Variants in GRIA1 observed in about 807,000 individuals in gnomAD.
GRIA1 encodes the protein glutamate receptor 1.
A neutral mutation model predicts 99.2 loss-of-function variants in GRIA1; 31 were observed. The ratio of observed to expected loss-of-function variants is 0.31; its 90% confidence interval spans 0.23 to 0.42. The LOEUF (loss-of-function observed/expected upper bound fraction) is 0.42. Ranked by LOEUF, GRIA1 falls within the 10% of genes least tolerant of loss-of-function variation. GRIA1 has a pLI of 1.00. For missense variants in GRIA1, 782 were observed against 1,157.5 expected (o/e 0.68, Z 4.71); for synonymous variants, 438 against 432.4 (o/e 1.01, Z -0.16).
chr5:153,584,267 G>A (rs928755156), intron 2 of GRIA1, among the ~76,000 whole-genome samples: 2 of 152,156 alleles, frequency 1.3e-5, no homozygotes, highest in Non-Finnish European at 2.9e-5. Context: ...CACTTACCCA[G>A]AACACTAACA....
chr5:153,683,730 C>A (rs1757146673), intron 7 of GRIA1, among the ~76,000 whole-genome samples: 1 of 152,142 alleles, frequency 6.6e-6, no homozygotes, highest in Non-Finnish European at 1.5e-5. Context: ...AACTTTTACC[C>A]ACTCTACACA....
At chr5:153,501,940 C>G (rs1043732790) in intron 2 of GRIA1, among the ~76,000 whole-genome samples, 1 of 152,208 alleles carries the variant, frequency 6.6e-6, no homozygotes. Context: ...AGCACTGAAG[C>G]TCAGCCTCTG....
intron 13 of GRIA1, 113 bp downstream of exon 13, chr5:153,770,528 G>A (rs1308376742): frequency 8.7e-6 from 9 of 1,028,884 alleles, no homozygotes; most frequent in Non-Finnish European, 1.3e-5. Flanking sequence ...TGTTGAGGGG[G>A]CTCTTCTTCA....
At chr5:153,604,968 G>T (rs966451589) in intron 2 of GRIA1, among the ~76,000 whole-genome samples, 2 of 151,938 alleles carry the variant, frequency 1.3e-5, no homozygotes, top group Admixed American at 1.3e-4. Flanking sequence ...GTGGCCAGGC[G>T]CAGTGGTCAG....
At chr5:153,506,360 T>TGTGTGTGTGTGTGTGTG (rs1561593677) in intron 2 of GRIA1, among the ~76,000 whole-genome samples, 5 of 147,248 alleles carry the variant, frequency 3.4e-5, no homozygotes, top group African/African-American at 1.3e-4. Flanking sequence ...TGTGTGTGTG[T>TGTGTGTGTGTGTGTGTG]TCATACATAT....
intron 11 of GRIA1, among the ~76,000 whole-genome samples, chr5:153,763,651 C>A (rs1763325121): frequency 6.6e-6 from 1 of 152,160 alleles, no homozygotes; most frequent in Admixed American, 6.5e-5. Context: ...TGGAAGTATC[C>A]TATCAGATCA....
At chr5:153,796,992 G>A (rs1407617053) in intron 14 of GRIA1, among the ~76,000 whole-genome samples, 1 of 152,262 alleles carries the variant, frequency 6.6e-6, no homozygotes, top group Non-Finnish European at 1.5e-5. Flanking sequence ...AAGGACCTGG[G>A]AATTCACACA....
At chr5:153,670,887 T>C (rs1388324226) in intron 5 of GRIA1, among the ~76,000 whole-genome samples, 2 of 152,270 alleles carry the variant, frequency 1.3e-5, no homozygotes, top group East Asian at 3.9e-4. Flanking sequence ...GTAACTATAA[T>C]AGAGTCATTT....
intron 7 of GRIA1, among the ~76,000 whole-genome samples, chr5:153,685,752 G>T (rs1043483135): frequency 6.6e-6 from 1 of 152,176 alleles, no homozygotes; most frequent in Non-Finnish European, 1.5e-5. Flanking sequence ...GAATTAAGAA[G>T]CCATCTCCAA....
intron 2 of GRIA1, among the ~76,000 whole-genome samples, chr5:153,621,328 A>G (rs957782171): frequency 6.6e-6 from 1 of 152,182 alleles, no homozygotes; most frequent in Admixed American, 6.5e-5. Flanking sequence ...TAGGACAGGC[A>G]TGGTGGTACA....
At chr5:153,670,074 A>G (rs746310234) in intron 5 of GRIA1, among the ~76,000 whole-genome samples, 6 of 152,238 alleles carry the variant, frequency 3.9e-5, no homozygotes, top group Admixed American at 2.0e-4. Flanking sequence ...AAGTGCCTCA[A>G]GGTATTCTGA....
intron 2 of GRIA1, among the ~76,000 whole-genome samples, chr5:153,612,283 T>C (rs553326020): frequency 1.3e-5 from 2 of 152,300 alleles, no homozygotes; most frequent in East Asian, 3.9e-4. Flanking sequence ...ACAGAAATAC[T>C]AGTGAATATG....
intron 2 of GRIA1, among the ~76,000 whole-genome samples, chr5:153,626,547 G>A (rs1767644901): frequency 6.6e-6 from 1 of 151,614 alleles, no homozygotes; most frequent in South Asian, 2.1e-4. Context: ...TGAGTTCATT[G>A]GCAGCATTTG....
intron 5 of GRIA1, among the ~76,000 whole-genome samples, chr5:153,672,275 C>A (rs1181374850): frequency 6.6e-6 from 1 of 152,180 alleles, no homozygotes; most frequent in Non-Finnish European, 1.5e-5. Context: ...ATATTAACTC[C>A]TTAACATGTC....
At chr5:153,665,104 C>A (rs1303953442) in intron 5 of GRIA1, among the ~76,000 whole-genome samples, 1 of 152,206 alleles carries the variant, frequency 6.6e-6, no homozygotes, top group East Asian at 1.9e-4. Context: ...GATGAAGGGA[C>A]TCTCTGGAAG....
At chr5:153,776,386 C>T (rs912857408) in intron 13 of GRIA1, among the ~76,000 whole-genome samples, 3 of 152,084 alleles carry the variant, frequency 2.0e-5, no homozygotes, top group Admixed American at 1.3e-4. Flanking sequence ...TTGGCAAGGA[C>T]AGAAAATGGA....
At chr5:153,549,874 T>G (rs147055933) in intron 2 of GRIA1, among the ~76,000 whole-genome samples, 22 of 152,258 alleles carry the variant, frequency 1.4e-4, no homozygotes, top group African/African-American at 5.1e-4. Context: ...GAAAATTATA[T>G]TATCCATCTA....
chr5:153,778,949 G>T (rs1312238220), intron 13 of GRIA1, among the ~76,000 whole-genome samples: 1 of 152,020 alleles, frequency 6.6e-6, no homozygotes, highest in Non-Finnish European at 1.5e-5. Flanking sequence ...GCATATTAAG[G>T]TTCCCCTGCT....
intron 2 of GRIA1, among the ~76,000 whole-genome samples, chr5:153,518,038 T>C (rs960574608): frequency 6.6e-6 from 1 of 152,222 alleles, no homozygotes; most frequent in Middle Eastern, 3.2e-3. Flanking sequence ...TTGCACTGGC[T>C]GTTCCCTTTG....
Sources: allele counts gnomAD v4.1 joint callset (sites outside exome capture counted in the v4.1 genomes callset), GRCh38; gene constraint gnomAD v4.1.1; transcripts MANE v1.5; gene names NCBI Gene and HGNC (gene_info 2026-07-23, HGNC 2026-07-21).